Variants in STAG1 observed in about 807,000 individuals in gnomAD.
STAG1 encodes the protein STAG1 cohesin complex component, also known as cohesin subunit SA-1.
A neutral mutation model predicts 170.9 loss-of-function variants in STAG1; 26 were observed. That is an observed-to-expected ratio of 0.15 (90% CI 0.11 to 0.21). STAG1 has a LOEUF of 0.21. Ranked by LOEUF, STAG1 falls within the 10% of genes least tolerant of loss-of-function variation. The pLI is 1.00. For synonymous variants in STAG1, 514 were observed against 497.7 expected, an observed-to-expected ratio of 1.03 and a Z score of -0.44; for missense variants, 964 against 1,509.5, an observed-to-expected ratio of 0.64 and a Z score of 5.99.
chr3:136,607,536 G>A (rs572861108), intron 3 of STAG1, among the ~76,000 whole-genome samples: 3 of 152,224 alleles, frequency 2.0e-5, no homozygotes, highest in Admixed American at 2.0e-4. Flanking sequence ...CTGAGTAGCT[G>A]GGATTACAGG....
intron 30 of STAG1, among the ~76,000 whole-genome samples, chr3:136,342,132 G>C (rs1936004168): frequency 6.7e-6 from 1 of 149,266 alleles, no homozygotes; most frequent in Non-Finnish European, 1.5e-5. Context: ...GGATTCTTCT[G>C]TCTCAGCCTC....
At chr3:136,700,823 T>C in intron 1 of STAG1, among the ~76,000 whole-genome samples, 1 of 151,458 alleles carries the variant, frequency 6.6e-6, no homozygotes, top group East Asian at 1.9e-4. Flanking sequence ...TAACACACGG[T>C]CTCTCAAGAA....
intron 7 of STAG1, among the ~76,000 whole-genome samples, chr3:136,516,482 T>C (rs1278697911): frequency 1.3e-5 from 2 of 151,978 alleles, no homozygotes; most frequent in African/African-American, 2.4e-5. Flanking sequence ...CACTGCAGCC[T>C]GGGCAACAGA....
At chr3:136,601,431 A>T (rs575199100) in intron 4 of STAG1, among the ~76,000 whole-genome samples, 1 of 152,220 alleles carries the variant, frequency 6.6e-6, no homozygotes, top group Non-Finnish European at 1.5e-5. Flanking sequence ...AGTAAGAAGA[A>T]GTTGAAAGGT....
At chr3:136,560,374 T>C (rs918265812) in intron 5 of STAG1, among the ~76,000 whole-genome samples, 2 of 152,214 alleles carry the variant, frequency 1.3e-5, no homozygotes, top group African/African-American at 4.8e-5. Context: ...AAAGTAAATA[T>C]GTACGTGTAT....
At chr3:136,684,278 T>A (rs1293821888) in intron 1 of STAG1, among the ~76,000 whole-genome samples, 2 of 152,182 alleles carry the variant, frequency 1.3e-5, no homozygotes, top group African/African-American at 4.8e-5. Context: ...AACTTCAAGA[T>A]TTACTATAAA....
Position 136,523,548 on chromosome 3 carries a change from T to C in STAG1, c.472-2131A>G, listed in dbSNP as rs956053395. ...ATCTTCTCCCATTCTGTAGGTTACC[T>C]GTTCACTCTGATGGTAGTTTCTTTT... On this transcript the variant is annotated intron_variant, in intron 6 of 33. Transcript: ENST00000383202. Among the ~76,000 whole-genome samples, 12 of 152,364 alleles carry C rather than the reference T, an allele frequency of 7.9e-5. No homozygotes were observed. The East Asian group carries it at 2.3e-3, about 29-fold the overall frequency.
chr3:136,339,030 G>A (rs1212908909), intron 32 of STAG1, among the ~76,000 whole-genome samples: 2 of 152,146 alleles, frequency 1.3e-5, no homozygotes, highest in East Asian at 3.8e-4. Context: ...AGTATTTGGC[G>A]ACAGGGCCTT....
At chr3:136,720,606 A>G (rs1262096629) in intron 1 of STAG1, among the ~76,000 whole-genome samples, 1 of 152,152 alleles carries the variant, frequency 6.6e-6, no homozygotes, top group African/African-American at 2.4e-5. Context: ...CCTGGCCAAC[A>G]TGGCAAAACC....
intron 1 of STAG1, among the ~76,000 whole-genome samples, chr3:136,714,455 G>A (rs547969552): frequency 5.9e-5 from 9 of 152,140 alleles, no homozygotes; most frequent in South Asian, 2.1e-4. Flanking sequence ...TAGGCCGGGC[G>A]TGGTGGCTCA....
At chr3:136,660,756 C>T (rs1274221134) in intron 1 of STAG1, among the ~76,000 whole-genome samples, 3 of 151,824 alleles carry the variant, frequency 2.0e-5, no homozygotes, top group Admixed American at 2.0e-4. Context: ...ATCACTTGAG[C>T]CCAGCAGTTT....
At chr3:136,666,769 G>A (rs935445896) in intron 1 of STAG1, among the ~76,000 whole-genome samples, 27 of 151,116 alleles carry the variant, frequency 1.8e-4, no homozygotes, top group African/African-American at 5.8e-4. Flanking sequence ...GCAGTGAGCC[G>A]AGATCACGCC....
chr3:136,702,994 G>T (rs180783251), intron 1 of STAG1, among the ~76,000 whole-genome samples: 52 of 151,092 alleles, frequency 3.4e-4, no homozygotes, highest in South Asian at 1.7e-3. Context: ...TTTGAACCCG[G>T]GAGGCACAGG....
chr3:136,439,510 T>C (rs1425307260), intron 15 of STAG1, among the ~76,000 whole-genome samples: 1 of 151,842 alleles, frequency 6.6e-6, no homozygotes, highest in Non-Finnish European at 1.5e-5. Flanking sequence ...ACAGTGTGTC[T>C]GCTTTCCCAA....
Position 136,444,098 on chromosome 3 carries a change from G to A in STAG1, c.1429-694C>T, listed in dbSNP as rs1395189854. On this transcript the variant is annotated intron_variant, in intron 14 of 33. Coordinates refer to ENST00000383202, the MANE Select transcript of STAG1 (RefSeq NM_005862.3). ...TTATCCTTTTTTTTTTTTTGAGATGGAGTCTTGCTCTATCGCCCAAGCTGG... is the reference window on the plus strand; with the variant it reads ...TTATCCTTTTTTTTTTTTTGAGATGAAGTCTTGCTCTATCGCCCAAGCTGG... Among the ~76,000 whole-genome samples, 15 of 151,216 alleles carry A rather than the reference G, an allele frequency of 9.9e-5. No homozygotes were observed. In the East Asian group the frequency reaches 2.9e-3, roughly 29 times the overall value.
At chr3:136,618,443 A>G (rs1434420085) in intron 3 of STAG1, among the ~76,000 whole-genome samples, 1 of 152,242 alleles carries the variant, frequency 6.6e-6, no homozygotes, top group African/African-American at 2.4e-5. Context: ...AATTAAAAGA[A>G]CATTTTATAT....
chr3:136,410,068 TAAAAAAAAAA>T (rs766763989), intron 21 of STAG1, among the ~76,000 whole-genome samples: 4 of 93,082 alleles, frequency 4.3e-5, no homozygotes, highest in African/African-American at 1.7e-4. Flanking sequence ...AGTCCTTGTC[TAAAAAAAAAA>T]AAAAAAAAAA....
intron 7 of STAG1, among the ~76,000 whole-genome samples, chr3:136,509,745 G>C (rs988128877): frequency 6.6e-6 from 1 of 152,100 alleles, no homozygotes; most frequent in Non-Finnish European, 1.5e-5. Context: ...TGCCTAAAAC[G>C]AAGTCGAAGG....
At chr3:136,461,895 C>T (rs866585380) in intron 13 of STAG1, among the ~76,000 whole-genome samples, 12 of 152,084 alleles carry the variant, frequency 7.9e-5, no homozygotes, top group Middle Eastern at 3.4e-3. Context: ...ATGATCTGAA[C>T]GGACATTTCT....
Sources: gnomAD v4.1 joint callset for allele counts (sites outside exome capture counted in the v4.1 genomes callset) on GRCh38, gnomAD v4.1.1 for gene constraint, MANE v1.5 for transcripts, NCBI Gene and HGNC (gene_info 2026-07-23, HGNC 2026-07-21) for gene names.